The following ZSCAN5A variants were observed in gnomAD, a reference collection of about 807,000 sequenced individuals.
ZSCAN5A encodes zinc finger and SCAN domain containing 5A, also known as zinc finger and SCAN domain-containing protein 5A.
A neutral mutation model predicts 23.7 loss-of-function variants in ZSCAN5A; 12 were observed. The observed-to-expected ratio is 0.51, with a 90% CI of 0.32 to 0.82. ZSCAN5A has a LOEUF of 0.82. Ranked by LOEUF, ZSCAN5A falls within the 40% of genes least tolerant of loss-of-function variation. The pLI is 0.03. For missense variants in ZSCAN5A, 597 were observed against 617.9 expected, an observed-to-expected ratio of 0.97 and a Z score of 0.36; for synonymous variants, 257 against 239.9, an observed-to-expected ratio of 1.07 and a Z score of -0.66.
intron 2 of ZSCAN5A, chr19:56,246,916 C>G (rs762748182): frequency 1.1e-5 from 18 of 1,603,826 alleles, no homozygotes; most frequent in Non-Finnish European, 6.8e-6. Flanking sequence ...CTCCATTTCC[C>G]AAGAAGGGCC....
rs1171562903 is a variant in ZSCAN5A at position 56,362,559 on chromosome 19, T to TAAATA, written c.-358+671_-358+675dup. Among the ~76,000 whole-genome samples the TAAATA allele has an allele frequency of 7.9e-5, 12 of 151,196 alleles. 1 individual carries two copies. The East Asian group carries it at 2.2e-3, about 27-fold the overall frequency. ...GCAACAGAGTGAGGCTCCATCTCAA[T>TAAATA]AAATAAAATAAAATAAAATAAAAAA... is the stretch of plus-strand genomic sequence containing the variant. On this transcript the variant is annotated intron_variant, in intron 2 of 6. Coordinates refer to the ZSCAN5A transcript ENST00000587340.
chr19:56,293,314 G>A (rs1245046955), intron 2 of ZSCAN5A, among the ~76,000 whole-genome samples: 1 of 152,180 alleles, frequency 6.6e-6, no homozygotes, highest in African/African-American at 2.4e-5. Flanking sequence ...CACACAGCCA[G>A]TCAGGTGCAG....
intron 2 of ZSCAN5A, among the ~76,000 whole-genome samples, chr19:56,254,498 A>G (rs2036566924): frequency 6.6e-6 from 1 of 152,218 alleles, no homozygotes; most frequent in Admixed American, 6.5e-5. Flanking sequence ...TTGTTTATCT[A>G]TTCCTTCAGT....
chr19:56,275,878 A>G (rs2038208597), intron 2 of ZSCAN5A, among the ~76,000 whole-genome samples: 1 of 152,224 alleles, frequency 6.6e-6, no homozygotes, highest in Non-Finnish European at 1.5e-5. Flanking sequence ...TGTTGGTTGG[A>G]TGGATGATGA....
intron 2 of ZSCAN5A, among the ~76,000 whole-genome samples, chr19:56,253,190 A>G (rs1391133113): frequency 6.6e-6 from 1 of 151,266 alleles, no homozygotes; most frequent in East Asian, 1.9e-4. Flanking sequence ...AGGTGGGAGG[A>G]TCACCTGAGC....
chr19:56,324,032 T>C (rs1600282407), intron 2 of ZSCAN5A, among the ~76,000 whole-genome samples: 1 of 152,160 alleles, frequency 6.6e-6, no homozygotes. Flanking sequence ...AACAAATTAT[T>C]GTTAACTATA....
chr19:56,299,164 CT>C (rs1356269488), intron 2 of ZSCAN5A, among the ~76,000 whole-genome samples: 1 of 151,956 alleles, frequency 6.6e-6, no homozygotes, highest in East Asian at 1.9e-4. Flanking sequence ...CACGGTCTAG[CT>C]TTGTTGCCCA....
At chr19:56,319,301 G>T (rs1324365181), upstream of ZSCAN5A, among the ~76,000 whole-genome samples, 1 of 151,844 alleles carries the variant, frequency 6.6e-6, no homozygotes. Context: ...TTTGAGACCA[G>T]CCTGACCAAC....
intron 2 of ZSCAN5A, chr19:56,320,645 C>T (rs949295212): frequency 1.9e-5 from 14 of 747,526 alleles, no homozygotes; most frequent in African/African-American, 8.6e-5. Context: ...ATAAGCCAGG[C>T]GAGTACAACG....
intron 2 of ZSCAN5A, among the ~76,000 whole-genome samples, chr19:56,358,557 T>C (rs2041712498): frequency 6.6e-6 from 1 of 152,144 alleles, no homozygotes; most frequent in African/African-American, 2.4e-5. Context: ...GGACTTGAAC[T>C]CAGCCCTGGA....
chr19:56,286,313 C>T (rs1333338924), intron 2 of ZSCAN5A: 2 of 152,184 alleles, frequency 1.3e-5, no homozygotes, highest in African/African-American at 2.4e-5. Flanking sequence ...AGCCCCGCAC[C>T]TGACCCAAAC....
intron 2 of ZSCAN5A, among the ~76,000 whole-genome samples, chr19:56,361,152 G>T (rs2041731439): frequency 6.6e-6 from 1 of 152,182 alleles, no homozygotes; most frequent in African/African-American, 2.4e-5. Flanking sequence ...AAACCACAAT[G>T]AGATACCATC....
At chr19:56,302,180 G>A (rs767905330) in intron 2 of ZSCAN5A, 6 of 1,055,516 alleles carry the variant, frequency 5.7e-6, no homozygotes, top group Non-Finnish European at 7.2e-6. Flanking sequence ...AAGCGAAGGA[G>A]GGTGCCTCAG....
chr19:56,259,200 CTTATT>C (rs2036944982), intron 2 of ZSCAN5A, among the ~76,000 whole-genome samples: 1 of 152,032 alleles, frequency 6.6e-6, no homozygotes. Flanking sequence ...CCACCCTGTA[CTTATT>C]TTATTAATTT....
chr19:56,253,981 TTC>T (rs1477151403), intron 2 of ZSCAN5A, among the ~76,000 whole-genome samples: 2 of 152,114 alleles, frequency 1.3e-5, no homozygotes, highest in African/African-American at 2.4e-5. Context: ...ATGGTTCTGC[TTC>T]TGTTTGACAT....
intron 2 of ZSCAN5A, among the ~76,000 whole-genome samples, chr19:56,344,463 ATTGT>A (rs1303107096): frequency 2.6e-5 from 4 of 152,228 alleles, no homozygotes; most frequent in Non-Finnish European, 5.9e-5. Flanking sequence ...TAAGTATGAA[ATTGT>A]TTGATCCATA....
rs1016052712 is a variant in ZSCAN5A at position 56,222,841 on chromosome 19, G to C, written c.589-100C>G. Reference sequence around the variant, plus strand: ...GATTGGATGCAACAACTCTTCTAATGACACAGGTGTGGAAATACGTGCAGA... The same window carrying C: ...GATTGGATGCAACAACTCTTCTAATCACACAGGTGTGGAAATACGTGCAGA... On this transcript the variant is annotated intron_variant, in intron 4 of 5. Coordinates refer to ENST00000683990, the MANE Select transcript of ZSCAN5A (RefSeq NM_001322064.3). 5 of 1,538,358 alleles carry C rather than the reference G, an allele frequency of 3.3e-6. No individual in the cohort carries two copies. In the African/African-American group the frequency reaches 5.5e-5, roughly 17 times the overall value.
intron 2 of ZSCAN5A, among the ~76,000 whole-genome samples, chr19:56,267,558 G>A (rs140966647): frequency 1.3e-5 from 2 of 152,196 alleles, no homozygotes; most frequent in Non-Finnish European, 2.9e-5. Flanking sequence ...CTCAGCAGCC[G>A]CACGTGGCTA....
chr19:56,280,291 G>A (rs2869158), intron 2 of ZSCAN5A, among the ~76,000 whole-genome samples: 59,224 of 151,974 alleles, frequency 0.39, 13,626 homozygotes, highest in Non-Finnish European at 0.51. Context: ...TTATTTATAC[G>A]TTTTTGGCTG....
Sources: gnomAD v4.1 joint callset for allele counts (sites outside exome capture counted in the v4.1 genomes callset) on GRCh38, gnomAD v4.1.1 for gene constraint, MANE v1.5 for transcripts, NCBI Gene and HGNC (gene_info 2026-07-23, HGNC 2026-07-21) for gene names.